Variants in KIT observed in about 807,000 individuals in gnomAD.
The protein encoded by KIT is mast/stem cell growth factor receptor Kit.
KIT carries 16 observed loss-of-function variants against 105.7 expected under a neutral mutation model. That is an observed-to-expected ratio of 0.15 (90% CI 0.10 to 0.23). The LOEUF is 0.23. Ranked by LOEUF, KIT falls within the 10% of genes least tolerant of loss-of-function variation. KIT has a pLI of 1.00. For synonymous variants in KIT, 438 were observed against 441.1 expected (o/e 0.99, Z 0.09); for missense variants, 858 against 1,213.8 (o/e 0.71, Z 4.36).
intron 4 of KIT, among the ~76,000 whole-genome samples, chr4:54,703,385 C>T (rs571924734): frequency 4.6e-5 from 7 of 152,288 alleles, no homozygotes; most frequent in Middle Eastern, 6.8e-3. Context: ...TATGCTGACT[C>T]ATATTACAAA....
At chr4:54,719,903 T>C (rs1202654283) in intron 7 of KIT, among the ~76,000 whole-genome samples, 1 of 152,182 alleles carries the variant, frequency 6.6e-6, no homozygotes, top group African/African-American at 2.4e-5. Flanking sequence ...GCTCATGCTG[T>C]ACTAGTGTGT....
At position 54,698,489 on chromosome 4, in the gene KIT, G is replaced by T; in HGVS notation, c.543G>T (p.Arg181=). 6.2e-7 allele frequency: 1 copy of T among 1,614,194 alleles called. No individual in the cohort carries two copies. Among genetic ancestry groups the T allele is most frequent in the Non-Finnish European group, 8.5e-7 (1 of 1,180,040 alleles). ...MIKSVKRAYH[R]LCLHCSVDQE... Reference sequence around the variant, plus strand: ...AAAGTGTGAAACGCGCCTACCATCGGCTCTGTCTGCATTGTTCTGTGGACC... The same window carrying T: ...AAAGTGTGAAACGCGCCTACCATCGTCTCTGTCTGCATTGTTCTGTGGACC... Residue 181 remains arginine (R), a synonymous_variant, in exon 3 of 21, where the codon CGG becomes CGT. Transcript: ENST00000288135.
In KIT at chr4:54,738,322, T is replaced by C. The variant is rs1300208711; in HGVS notation, c.2803-107T>C. The C allele has an allele frequency of 2.2e-6, 3 of 1,366,078 alleles. No homozygotes were observed. In the Admixed American group the frequency reaches 5.0e-5, roughly 23 times the overall value. The allele number at this position is 1,366,078 out of a possible 1,614,324, so 84.6% of individuals were successfully genotyped here. A position where few individuals can be genotyped will look rare whatever the true frequency, so the allele number is the denominator to read the frequency against. On this transcript the variant is annotated intron_variant, in intron 20 of 20. Coordinates refer to ENST00000288135, the MANE Select transcript of KIT (RefSeq NM_000222.3). ...AAAGTTCTTGGAAACCACTTCTCTC[T>C]TAAGAGTTTCCATCAGTTAGTTGTG...
At chr4:54,676,365 C>A (rs529139601) in intron 1 of KIT, among the ~76,000 whole-genome samples, 2 of 152,238 alleles carry the variant, frequency 1.3e-5, no homozygotes, top group Non-Finnish European at 2.9e-5. Context: ...GTAAAAATTA[C>A]TGGGCTTTGT....
rs138297412 is a variant in KIT, at chr4:54,717,946, C to T, written c.1232-5638C>T. 2.0e-5 allele frequency among the ~76,000 whole-genome samples: 3 copies of T among 152,250 alleles called. No individual in the cohort carries two copies. In the East Asian group the frequency reaches 5.8e-4, roughly 29 times the overall value. On this transcript the variant is annotated intron_variant, in intron 7 of 20. Coordinates refer to ENST00000288135, the MANE Select transcript of KIT (RefSeq NM_000222.3). ...AGCAATGGTGCTCCTGTAAGTTGAG[C>T]AGTGATTCTGGCTGAAGAAGTCTCT... is the stretch of plus-strand genomic sequence containing the variant.
chr4:54,708,954 G>A (rs1324241698), intron 6 of KIT, among the ~76,000 whole-genome samples: 1 of 152,190 alleles, frequency 6.6e-6, no homozygotes, highest in Non-Finnish European at 1.5e-5. Context: ...GGAGATGGGG[G>A]TGTTGCAAGA....
chr4:54,734,755 A>C (rs988672118), intron 17 of KIT, among the ~76,000 whole-genome samples: 3 of 152,330 alleles, frequency 2.0e-5, no homozygotes, highest in South Asian at 4.1e-4. Context: ...TTCCTTTCAC[A>C]TGAGTTCTTC....
chr4:54,670,282 CTT>C (rs1718017438), intron 1 of KIT, among the ~76,000 whole-genome samples: 1 of 152,160 alleles, frequency 6.6e-6, no homozygotes, highest in African/African-American at 2.4e-5. Context: ...TTCTGCCCCT[CTT>C]TTTAAAATTC....
intron 1 of KIT, among the ~76,000 whole-genome samples, chr4:54,664,841 G>C (rs1268334829): frequency 6.6e-6 from 1 of 150,522 alleles, no homozygotes; most frequent in Non-Finnish European, 1.5e-5. Flanking sequence ...CCCAGCCTCA[G>C]CCTCCCAAAA....
At chr4:54,722,998 A>G (rs1205941097) in intron 7 of KIT, among the ~76,000 whole-genome samples, 2 of 151,802 alleles carry the variant, frequency 1.3e-5, no homozygotes, top group South Asian at 4.2e-4. Context: ...GATTTGAAGT[A>G]AAGCCCATAT....
chr4:54,686,764 G>A (rs1019920246), intron 1 of KIT, among the ~76,000 whole-genome samples: 3 of 152,140 alleles, frequency 2.0e-5, no homozygotes, highest in African/African-American at 7.2e-5. Flanking sequence ...AGGCTGGTCT[G>A]TAACTCCTGG....
At chr4:54,721,059 A>G (rs949945348) in intron 7 of KIT, among the ~76,000 whole-genome samples, 1 of 152,216 alleles carries the variant, frequency 6.6e-6, no homozygotes, top group Non-Finnish European at 1.5e-5. Flanking sequence ...TCTTCATCAT[A>G]CAACAGTGCT....
intron 13 of KIT, among the ~76,000 whole-genome samples, chr4:54,728,391 G>A (rs1383632726): frequency 2.0e-5 from 3 of 152,040 alleles, no homozygotes; most frequent in South Asian, 4.1e-4. Flanking sequence ...ATCTCATCCC[G>A]ACCAGAAGGC....
chr4:54,678,341 CT>C (rs1718650095), intron 1 of KIT, among the ~76,000 whole-genome samples: 1 of 105,368 alleles, frequency 9.5e-6, no homozygotes, highest in Non-Finnish European at 1.9e-5. Context: ...TCCTTCCTTC[CT>C]TCCTTCCTTC....
chr4:54,716,694 G>A (rs563894691), intron 7 of KIT, among the ~76,000 whole-genome samples: 65 of 152,162 alleles, frequency 4.3e-4, no homozygotes, highest in African/African-American at 1.4e-3. Context: ...GGAGCGAGGC[G>A]GGACTCTGAA....
chr4:54,739,932 A>C lies in KIT; in HGVS notation c.*1375A>C, dbSNP rs1016454018. The C allele has an allele frequency of 1.8e-4, 43 of 233,404 alleles. No individual in the cohort carries two copies. Among genetic ancestry groups the C allele is most frequent in the African/African-American group, 8.6e-4 (39 of 45,328 alleles). 14.5% of individuals were successfully genotyped at this position (233,404 alleles called of 1,614,324 possible). On this transcript the variant is annotated 3_prime_UTR_variant, in exon 21 of 21. Transcript: ENST00000288135. ...TCATCTTACTGTACCTGTTCCTTAG[A>C]CCTTCCATAATGCTACTGTCTCACT...
At chr4:54,733,007 G>A (rs773188704) in intron 16 of KIT, 63 bp from the exon 17 acceptor site, 16 of 1,446,266 alleles carry the variant, frequency 1.1e-5, no homozygotes, top group Non-Finnish European at 1.6e-5. Context: ...TAAAAAGTTA[G>A]TTTTCACTCT....
chr4:54,703,088 A>G (rs1476514055), intron 4 of KIT, among the ~76,000 whole-genome samples: 1 of 152,162 alleles, frequency 6.6e-6, no homozygotes, highest in African/African-American at 2.4e-5. Flanking sequence ...AATGAGTGAG[A>G]TGGTGATATC....
intron 1 of KIT, among the ~76,000 whole-genome samples, chr4:54,660,062 C>T (rs761777338): frequency 1.2e-4 from 18 of 152,110 alleles, no homozygotes; most frequent in Non-Finnish European, 2.6e-4. Context: ...TCCTTTGGGT[C>T]CAGAATTCTC....
Sources: allele counts gnomAD v4.1 joint callset (sites outside exome capture counted in the v4.1 genomes callset), GRCh38; gene constraint gnomAD v4.1.1; transcripts MANE v1.5; gene names NCBI Gene and HGNC (gene_info 2026-07-23, HGNC 2026-07-21).